SART3: variants seen among roughly 807,000 people sequenced by gnomAD.
SART3 encodes HIV-1 Tat-interacting protein of 110kDa.
In SART3, 44 loss-of-function variants were observed where a neutral mutation model predicts 122.3. That is an observed-to-expected ratio of 0.36 (90% CI 0.28 to 0.46). The LOEUF is 0.46. SART3 is among the 20% of genes least tolerant of loss of function. SART3 has a pLI of 1.00. For synonymous variants in SART3, 442 were observed against 454.0 expected (o/e 0.97, Z 0.34); for missense variants, 1,101 against 1,229.0 (o/e 0.90, Z 1.56).
chr12:108,544,138 G>A (rs1402766226), intron 5 of SART3, among the ~76,000 whole-genome samples: 1 of 152,198 alleles, frequency 6.6e-6, no homozygotes, highest in Non-Finnish European at 1.5e-5. Context: ...TCCTTTCAGA[G>A]ACCCTATCTC....
intron 11 of SART3, 143 bp downstream of exon 11, chr12:108,536,371 C>T: frequency 1.2e-6 from 1 of 838,380 alleles, no homozygotes; most frequent in Non-Finnish European, 2.0e-6. Flanking sequence ...CTTGTGGAGC[C>T]TAGACCATTA....
At chr12:108,535,908 AAAGAT>A (rs1179143164) in intron 11 of SART3, among the ~76,000 whole-genome samples, 1 of 152,196 alleles carries the variant, frequency 6.6e-6, no homozygotes, top group African/African-American at 2.4e-5. Flanking sequence ...AAAATGGTTA[AAAGAT>A]AAGCATCCCA....
chr12:108,556,901 G>A lies in SART3; in HGVS notation c.312+3942C>T, dbSNP rs144851752. Among the ~76,000 whole-genome samples, 5 of 152,342 alleles carry A rather than the reference G, an allele frequency of 3.3e-5. No homozygotes were observed. In the East Asian group the frequency reaches 5.8e-4, roughly 18 times the overall value. On this transcript the variant is annotated intron_variant, in intron 1 of 18. Transcript: ENST00000546815. ...AGTGGGAGAGCACTTGCTAGTCAGTGTCACGAATATCTATGCATGCAAGTG... is the reference window on the plus strand; with the variant it reads ...AGTGGGAGAGCACTTGCTAGTCAGTATCACGAATATCTATGCATGCAAGTG...
chr12:108,542,900 G>T, intron 6 of SART3, 128 bp downstream of exon 6: 1 of 1,240,338 alleles, frequency 8.1e-7, no homozygotes, highest in Non-Finnish European at 1.2e-6. Flanking sequence ...TATGTAAACT[G>T]TACGTATACA....
In SART3 at chr12:108,530,286, C is replaced by T. The variant is rs118203954; in HGVS notation, c.1771G>A (p.Val591Met). 16 of 1,614,024 alleles carry T rather than the reference C, an allele frequency of 9.9e-6. No homozygotes were observed. Among genetic ancestry groups the T allele is most frequent in the Non-Finnish European group, 1.3e-5 (15 of 1,180,048 alleles). The change falls in exon 15 of 19, where the codon GTG becomes ATG. Residue 591 changes from valine to methionine, a missense_variant. By Grantham distance (21) the Val-to-Met change is conservative. Around this residue, in one of 2 missense-constraint regions of SART3, gnomAD observed 885 missense variants for 1,080.1 expected, o/e 0.82. Coordinates refer to ENST00000546815, the MANE Select transcript of SART3 (RefSeq NM_014706.4). Reference sequence around the variant, plus strand: ...TCAGCCTTTTCTTCTTCTTGCTGCACAAGGGCTGCTTCCTTCTCTGCAGCC... The same window carrying T: ...TCAGCCTTTTCTTCTTCTTGCTGCATAAGGGCTGCTTCCTTCTCTGCAGCC... Reference protein sequence around the residue: ...MKAAEKEAALVQQEEEKAEQR... With the variant: ...MKAAEKEAALMQQEEEKAEQR...
chr12:108,532,343 G>A lies in SART3; in HGVS notation c.1557-9C>T. 1 of 1,613,226 alleles carries A rather than the reference G, an allele frequency of 6.2e-7. No individual in the cohort carries two copies. The highest frequency in any genetic ancestry group is 8.5e-7 in the Non-Finnish European group (1 of 1,179,722). On this transcript the variant is annotated splice_polypyrimidine_tract_variant and intron_variant, in intron 12 of 18. Coordinates refer to ENST00000546815, the MANE Select transcript of SART3 (RefSeq NM_014706.4). Reference sequence around the variant, plus strand: ...GGGTGTCACCATGAGCTCTAAGGCAGAAAACAAAAAGTTGCTGCCACCAGG... The same window carrying A: ...GGGTGTCACCATGAGCTCTAAGGCAAAAAACAAAAAGTTGCTGCCACCAGG...
At position 108,532,417 on chromosome 12, in the gene SART3, G is replaced by T; in HGVS notation, c.1557-83C>A. On this transcript the variant is annotated intron_variant, in intron 12 of 18. Coordinates refer to ENST00000546815, the MANE Select transcript of SART3 (RefSeq NM_014706.4). ...GGGAGAGGCCGTCTTCTCCCAGGTA[G>T]AAACTCACTCTTCAGTAACTCTAGC... is the stretch of plus-strand genomic sequence containing the variant. The T allele has an allele frequency of 4.6e-6, 5 of 1,082,140 alleles. No individual in the cohort carries two copies. The Middle Eastern group carries it at 7.8e-4, about 169-fold the overall frequency. 67.0% of individuals were successfully genotyped at this position (1,082,140 alleles called of 1,614,324 possible).
chr12:108,537,419 G>A (rs1214656547), intron 9 of SART3, 69 bp downstream of exon 9: 1 of 1,181,194 alleles, frequency 8.5e-7, no homozygotes, highest in African/African-American at 1.5e-5. Flanking sequence ...CTGGGGAACT[G>A]GGACATCTCG....
At chr12:108,557,117 A>T (rs2030254128) in intron 1 of SART3, among the ~76,000 whole-genome samples, 1 of 152,182 alleles carries the variant, frequency 6.6e-6, no homozygotes, top group Admixed American at 6.5e-5. Context: ...AATGCACTTA[A>T]AAGAGCTATT....
intron 8 of SART3, chr12:108,537,801 C>A: frequency 1.5e-6 from 1 of 657,478 alleles, no homozygotes; most frequent in Non-Finnish European, 2.6e-6. Flanking sequence ...TTCCACAAGA[C>A]GCCCTGCAAG....
intron 1 of SART3, among the ~76,000 whole-genome samples, chr12:108,559,737 A>ACCCT (rs2030403070): frequency 6.7e-6 from 1 of 148,610 alleles, no homozygotes; most frequent in Non-Finnish European, 1.5e-5. Flanking sequence ...AAAACACCCT[A>ACCCT]CCCTCTCCTC....
intron 6 of SART3, 169 bp downstream of exon 6, chr12:108,542,859 G>A (rs1045835811): frequency 1.7e-5 from 16 of 920,612 alleles, no homozygotes; most frequent in Non-Finnish European, 2.4e-5. Context: ...AACCTGGGTG[G>A]TAGGTACATG....
chr12:108,551,517 TAA>T (rs1318014673), intron 1 of SART3, among the ~76,000 whole-genome samples: 1 of 152,170 alleles, frequency 6.6e-6, no homozygotes, highest in Non-Finnish European at 1.5e-5. Flanking sequence ...AAAAAATTTT[TAA>T]GTTTTTAAAA....
At chr12:108,549,451 T>A (rs985460361) in intron 1 of SART3, 16 of 486,014 alleles carry the variant, frequency 3.3e-5, no homozygotes, top group Non-Finnish European at 4.9e-5. Flanking sequence ...TAGAAGACAT[T>A]TGGGTTCTCT....
intron 6 of SART3, among the ~76,000 whole-genome samples, chr12:108,542,093 C>T (rs1031734194): frequency 6.7e-6 from 1 of 148,390 alleles, no homozygotes; most frequent in Non-Finnish European, 1.5e-5. Flanking sequence ...GCAATCCTCC[C>T]GCCTTGGCCT....
intron 1 of SART3, among the ~76,000 whole-genome samples, chr12:108,559,806 C>T (rs2030407140): frequency 6.6e-6 from 1 of 152,134 alleles, no homozygotes; most frequent in Non-Finnish European, 1.5e-5. Context: ...CTCCAGCTTC[C>T]AGATGGGTCT....
At chr12:108,532,756 C>CTTT in intron 12 of SART3, 4 of 179,058 alleles carry the variant, frequency 2.2e-5, no homozygotes, top group Admixed American at 5.7e-5. Context: ...AGAGTCAGAT[C>CTTT]TTTTTTTTTT....
intron 6 of SART3, 173 bp downstream of exon 6, chr12:108,542,855 G>A (rs1430048958): frequency 1.1e-6 from 1 of 892,906 alleles, no homozygotes. Flanking sequence ...TCTTAACCTG[G>A]GTGGTAGGTA....
intron 15 of SART3, 147 bp from the exon 16 acceptor site, chr12:108,526,700 G>C (rs1279568226): frequency 2.3e-6 from 2 of 862,324 alleles, no homozygotes; most frequent in Admixed American, 4.0e-5. Flanking sequence ...ACCACCCCGA[G>C]AAGTCTTTTG....
Sources: allele counts gnomAD v4.1 joint callset (sites outside exome capture counted in the v4.1 genomes callset), GRCh38; gene constraint gnomAD v4.1.1; regional missense constraint gnomAD v4.1.1; transcripts MANE v1.5; gene names NCBI Gene and HGNC (gene_info 2026-07-23, HGNC 2026-07-21).